Variants in ITPR2 observed in about 807,000 individuals in gnomAD.
The protein encoded by ITPR2 is inositol 1,4,5-trisphosphate receptor type 2.
A neutral mutation model predicts 317.1 loss-of-function variants in ITPR2; 207 were observed. That is an observed-to-expected ratio of 0.65 (90% confidence interval 0.58 to 0.73). The LOEUF (loss-of-function observed/expected upper bound fraction) is 0.73. ITPR2 is among the 30% of genes least tolerant of loss of function. The probability of loss-of-function intolerance (pLI) is 0.00; values close to 1 mark genes in which losing one functional copy is unlikely to be tolerated. For missense variants in ITPR2, 2,613 were observed against 3,284.0 expected, an observed-to-expected ratio of 0.80 and a Z score of 4.99; for synonymous variants, 1,156 against 1,149.1, an observed-to-expected ratio of 1.01 and a Z score of -0.12.
At position 26,632,055 on chromosome 12, in the gene ITPR2, GT is replaced by G; in HGVS notation, c.2744del (p.Asn915ThrfsTer3). Reference sequence around the variant, plus strand: ...CCCCATGAATGGTTCTCATCACATTGTTTCCTGGCATGAGAAAATGCCGTAA... The same window carrying G: ...CCCCATGAATGGTTCTCATCACATTGTTCCTGGCATGAGAAAATGCCGTAA... ...ERLSKFQDGG[N>X]NVMRTIHGVG... On this transcript the variant is annotated frameshift_variant, in exon 22 of 57. Coordinates refer to ENST00000381340, the MANE Select transcript of ITPR2 (RefSeq NM_002223.4). LOFTEE classifies it high-confidence loss of function. 3.9e-6 allele frequency: 6 copies of G among 1,537,234 alleles called. No individual in the cohort carries two copies. The highest frequency in any genetic ancestry group is 5.2e-6 in the Non-Finnish European group (6 of 1,143,854).
chr12:26,655,487 G>T (rs1316554000), intron 20 of ITPR2, among the ~76,000 whole-genome samples: 1 of 151,790 alleles, frequency 6.6e-6, no homozygotes, highest in Non-Finnish European at 1.5e-5. Context: ...GGTGGCAGGC[G>T]CCTGTAGTCC....
chr12:26,588,234 C>A (rs544012100), intron 32 of ITPR2, among the ~76,000 whole-genome samples: 45 of 152,212 alleles, frequency 3.0e-4, no homozygotes, highest in African/African-American at 1.1e-3. Flanking sequence ...CAAACAGTGA[C>A]TATAGACAGA....
intron 10 of ITPR2, among the ~76,000 whole-genome samples, chr12:26,690,441 T>C (rs1948215403): frequency 6.6e-6 from 1 of 152,186 alleles, no homozygotes; most frequent in East Asian, 1.9e-4. Context: ...TGCACCCCAA[T>C]ATTCTAATTT....
chr12:26,733,360 C>T (rs2137066526), intron 2 of ITPR2, among the ~76,000 whole-genome samples: 1 of 151,100 alleles, frequency 6.6e-6, no homozygotes, highest in Middle Eastern at 3.4e-3. Context: ...AAGAAAACCA[C>T]TGGCCAGAAA....
intron 1 of ITPR2, among the ~76,000 whole-genome samples, chr12:26,826,941 C>T (rs1424269861): frequency 6.6e-6 from 1 of 152,180 alleles, no homozygotes. Flanking sequence ...ATGTGAATAT[C>T]TGTTGTCATC....
At chr12:26,374,453 C>A (rs934728208) in intron 55 of ITPR2, among the ~76,000 whole-genome samples, 43 of 152,192 alleles carry the variant, frequency 2.8e-4, no homozygotes, top group African/African-American at 1.0e-3. Context: ...GGAAGTTGAC[C>A]TTTGCCTAAC....
chr12:26,400,322 A>T (rs1287142471), intron 52 of ITPR2, 64 bp from the exon 53 acceptor site: 3 of 905,288 alleles, frequency 3.3e-6, no homozygotes, highest in African/African-American at 3.4e-5. Flanking sequence ...TAAAATACAC[A>T]TAAAATGAAA....
intron 37 of ITPR2, among the ~76,000 whole-genome samples, chr12:26,518,209 T>C (rs1943577128): frequency 6.6e-6 from 1 of 152,172 alleles, no homozygotes; most frequent in Non-Finnish European, 1.5e-5. Context: ...TGAGATCATG[T>C]CCTTTGCAGC....
intron 21 of ITPR2, among the ~76,000 whole-genome samples, chr12:26,641,534 T>C (rs547005307): frequency 1.6e-4 from 25 of 152,238 alleles, no homozygotes; most frequent in African/African-American, 5.3e-4. Context: ...TGTATGATCT[T>C]AGGCAAAGTA....
chr12:26,389,534 T>A (rs897952712), intron 54 of ITPR2, among the ~76,000 whole-genome samples: 8 of 152,020 alleles, frequency 5.3e-5, no homozygotes, highest in African/African-American at 1.9e-4. Flanking sequence ...TCAGGACCTT[T>A]GGAACGGTTG....
intron 10 of ITPR2, 122 bp downstream of exon 10, chr12:26,695,484 G>C: frequency 1.3e-6 from 1 of 759,434 alleles, no homozygotes; most frequent in South Asian, 1.6e-5. Context: ...TGAACCATAG[G>C]CTCTACTCAG....
At position 26,831,827 on chromosome 12, in the gene ITPR2, A is replaced by G. The variant is rs1951113220; in HGVS notation, c.92+863T>C. Among the ~76,000 whole-genome samples, 2 of 145,370 alleles carry G rather than the reference A, an allele frequency of 1.4e-5. 1 individual carries two copies. Among genetic ancestry groups the G allele is most frequent in the South Asian group, 4.2e-4 (2 of 4,778 alleles). On this transcript the variant is annotated intron_variant, in intron 1 of 56. Transcript: ENST00000381340. This position sits in a 1 kb window ranked among gnomAD's most constrained non-coding sequence, Gnocchi z 4.9. ...CATAAAATATATAAATATATATTAT[A>G]CATAAAATATATAAATATATATTAT...
At chr12:26,649,804 GA>G (rs1947201810) in intron 21 of ITPR2, among the ~76,000 whole-genome samples, 1 of 151,222 alleles carries the variant, frequency 6.6e-6, no homozygotes, top group African/African-American at 2.4e-5. Flanking sequence ...TAGATAGATA[GA>G]TAGATAGATA....
At chr12:26,634,741 C>T (rs1032699953) in intron 21 of ITPR2, among the ~76,000 whole-genome samples, 6 of 151,700 alleles carry the variant, frequency 4.0e-5, no homozygotes, top group Non-Finnish European at 5.9e-5. Flanking sequence ...AAAAACTAGC[C>T]GGGCGTGCTT....
intron 37 of ITPR2, among the ~76,000 whole-genome samples, chr12:26,530,238 G>T (rs1474411244): frequency 6.6e-6 from 1 of 152,284 alleles, no homozygotes; most frequent in East Asian, 1.9e-4. Flanking sequence ...TCCCAGACCA[G>T]CACACTTAAT....
intron 2 of ITPR2, among the ~76,000 whole-genome samples, chr12:26,768,586 A>AAC (rs1949781149): frequency 1.6e-5 from 2 of 127,282 alleles, no homozygotes; most frequent in Admixed American, 7.7e-5. Context: ...AAAAAAAAAA[A>AAC]AAAAAAAAAA....
chr12:26,356,364 G>A (rs182472872), intron 55 of ITPR2, among the ~76,000 whole-genome samples: 1 of 152,196 alleles, frequency 6.6e-6, no homozygotes, highest in Admixed American at 6.5e-5. Context: ...TGCCAAGTAG[G>A]GTGAGCATAA....
At chr12:26,609,082 T>C (rs533098097) in intron 26 of ITPR2, among the ~76,000 whole-genome samples, 4 of 152,280 alleles carry the variant, frequency 2.6e-5, no homozygotes, top group Non-Finnish European at 5.9e-5. Context: ...CGGACATGGT[T>C]GTAAGAAGGG....
intron 13 of ITPR2, among the ~76,000 whole-genome samples, chr12:26,677,875 A>G (rs1947949235): frequency 6.6e-6 from 1 of 152,222 alleles, no homozygotes; most frequent in African/African-American, 2.4e-5. Context: ...GAGAAGCAAC[A>G]TCAGAATGAC....
Sources: gnomAD v4.1 joint callset for allele counts (sites outside exome capture counted in the v4.1 genomes callset) on GRCh38, gnomAD v4.1.1 for gene constraint, Gnocchi (gnomAD v3.1) non-coding constraint, MANE v1.5 for transcripts, NCBI Gene and HGNC (gene_info 2026-07-23, HGNC 2026-07-21) for gene names.